The following GTF2B variants were observed in gnomAD, a reference collection of about 807,000 sequenced individuals.
GTF2B encodes transcription initiation factor IIB.
GTF2B carries 20 observed loss-of-function variants against 34.6 expected under a neutral mutation model. The observed-to-expected ratio is 0.58, with a 90% CI of 0.41 to 0.84. The LOEUF is 0.84. Among genes scored for constraint, GTF2B ranks in the 40% least tolerant of loss-of-function variants. The probability of loss-of-function intolerance (pLI) is 0.00; values close to 1 mark genes in which losing one functional copy is unlikely to be tolerated. For missense variants in GTF2B, 237 were observed against 393.3 expected, an observed-to-expected ratio of 0.60 and a Z score of 3.36; for synonymous variants, 142 against 132.4, an observed-to-expected ratio of 1.07 and a Z score of -0.50.
At chr1:88,889,385 T>C (rs1018223779) in intron 1 of GTF2B, among the ~76,000 whole-genome samples, 5 of 152,120 alleles carry the variant, frequency 3.3e-5, no homozygotes, top group Admixed American at 6.5e-5. Flanking sequence ...TAGGGAGGAA[T>C]AGAGAAACCA....
chr1:88,891,393 C>A, intron 1 of GTF2B, 90 bp downstream of exon 1: 1 of 952,752 alleles, frequency 1.0e-6, no homozygotes, highest in South Asian at 1.5e-5. Flanking sequence ...CCTAGGCGCT[C>A]AGCCCTACGA....
intron 6 of GTF2B, among the ~76,000 whole-genome samples, chr1:88,854,105 C>T (rs1673249641): frequency 6.6e-6 from 1 of 152,106 alleles, no homozygotes; most frequent in African/African-American, 2.4e-5. Context: ...AAAAGTACTC[C>T]ACAAATATGT....
intron 1 of GTF2B, among the ~76,000 whole-genome samples, chr1:88,888,494 CAA>C (rs1674125850): frequency 6.6e-6 from 1 of 151,652 alleles, no homozygotes; most frequent in African/African-American, 2.4e-5. Context: ...TAAATTATGA[CAA>C]ATAAAATTAA....
intron 2 of GTF2B, among the ~76,000 whole-genome samples, chr1:88,885,268 G>C (rs551301539): frequency 6.8e-6 from 1 of 148,020 alleles, no homozygotes; most frequent in South Asian, 2.1e-4. Flanking sequence ...CTGAAACCCT[G>C]TCTCTACTAA....
rs547520273 is a variant in GTF2B at position 88,873,152 on chromosome 1, C to CAAGAG, written c.125-9043_125-9039dup. On this transcript the variant is annotated intron_variant, in intron 2 of 6. Coordinates refer to ENST00000370500, the MANE Select transcript of GTF2B (RefSeq NM_001514.6). The stretch of plus-strand genomic sequence containing the variant: ...CCAGCAGACTAATAGATGACCCAAA[C>CAAGAG]AAGAGAAACTTCCCACAGGATTCCA... Among the ~76,000 whole-genome samples the CAAGAG allele has an allele frequency of 3.1e-4, 46 of 147,318 alleles. 1 individual carries two copies. The East Asian group carries it at 6.2e-3, about 20-fold the overall frequency.
At chr1:88,857,628 C>T in intron 5 of GTF2B, 141 bp from the exon 6 acceptor site, 1 of 552,222 alleles carries the variant, frequency 1.8e-6, no homozygotes, top group South Asian at 2.4e-5. Context: ...CCCTAATCAT[C>T]TCAGTGATAC....
At chr1:88,880,312 T>C (rs1570734009) in intron 2 of GTF2B, among the ~76,000 whole-genome samples, 1 of 152,272 alleles carries the variant, frequency 6.6e-6, no homozygotes, top group South Asian at 2.1e-4. Context: ...CCTTAGTGGG[T>C]TGTAGAATAT....
chr1:88,863,807 A>C (rs530834028), intron 3 of GTF2B, among the ~76,000 whole-genome samples, 174 bp downstream of exon 3: 5 of 152,332 alleles, frequency 3.3e-5, no homozygotes, highest in Non-Finnish European at 5.9e-5. Flanking sequence ...TCCCCACTTT[A>C]AGATGGAATA....
intron 2 of GTF2B, among the ~76,000 whole-genome samples, chr1:88,879,900 A>G (rs998521820): frequency 1.3e-5 from 2 of 151,964 alleles, no homozygotes; most frequent in Non-Finnish European, 2.9e-5. Flanking sequence ...TACTAAAAAT[A>G]CAAAAAAATT....
At chr1:88,859,021 C>G (rs948781862) in intron 5 of GTF2B, among the ~76,000 whole-genome samples, 2 of 152,022 alleles carry the variant, frequency 1.3e-5, no homozygotes, top group Non-Finnish European at 2.9e-5. Context: ...GCGCGCACCA[C>G]CACGCCTGGC....
chr1:88,874,459 A>G (rs1673767511), intron 2 of GTF2B, among the ~76,000 whole-genome samples: 1 of 149,260 alleles, frequency 6.7e-6, no homozygotes, highest in Non-Finnish European at 1.5e-5. Flanking sequence ...CCAAGTAGCT[A>G]GGACTATAGG....
chr1:88,868,451 A>G (rs1470022139), intron 2 of GTF2B, among the ~76,000 whole-genome samples: 3 of 152,186 alleles, frequency 2.0e-5, no homozygotes, highest in Non-Finnish European at 4.4e-5. Context: ...TAACACTTTT[A>G]ATCAAGTTCC....
At chr1:88,860,658 A>G (rs1673412945) in intron 3 of GTF2B, among the ~76,000 whole-genome samples, 2 of 152,092 alleles carry the variant, frequency 1.3e-5, no homozygotes, top group Non-Finnish European at 2.9e-5. Context: ...TAGAGAATCA[A>G]ATAATGTAAA....
intron 3 of GTF2B, among the ~76,000 whole-genome samples, chr1:88,861,857 C>G (rs369462180): frequency 2.6e-5 from 4 of 152,098 alleles, no homozygotes; most frequent in African/African-American, 9.7e-5. Flanking sequence ...AAAAACCCCA[C>G]AGGAAACAGA....
Position 88,884,185 on chromosome 1 carries a change from G to A in GTF2B, c.124+3076C>T, listed in dbSNP as rs551817314. Among the ~76,000 whole-genome samples the A allele has an allele frequency of 2.6e-5, 4 of 151,826 alleles. No individual in the cohort carries two copies. The South Asian group carries it at 8.3e-4, about 32-fold the overall frequency. On this transcript the variant is annotated intron_variant, in intron 2 of 6. Transcript: ENST00000370500. ...TGGGATTACAGATGCCCACCACCAC[G>A]CCCGGCTAATTTTTGTATTTTTAGT...
rs571513873 is a variant in GTF2B at position 88,884,625 on chromosome 1, C to T, written c.124+2636G>A. Among the ~76,000 whole-genome samples the T allele has an allele frequency of 4.6e-4, 70 of 152,324 alleles. 1 individual carries two copies. The South Asian group carries it at 0.014, about 31-fold the overall frequency. Reference sequence around the variant, plus strand: ...ATAAGCCACTTAGAAACTTTAGTTGCAGCCTCAGTTTCATTCTTTTATTTT... The same window carrying T: ...ATAAGCCACTTAGAAACTTTAGTTGTAGCCTCAGTTTCATTCTTTTATTTT... On this transcript the variant is annotated intron_variant, in intron 2 of 6. Transcript: ENST00000370500.
chr1:88,869,845 G>C (rs1384303539), intron 2 of GTF2B, among the ~76,000 whole-genome samples: 1 of 151,550 alleles, frequency 6.6e-6, no homozygotes, highest in Admixed American at 6.6e-5. Context: ...GGCTCATGTC[G>C]AATTCCCGAC....
chr1:88,863,844 A>G, intron 3 of GTF2B, 137 bp downstream of exon 3: 2 of 711,646 alleles, frequency 2.8e-6, no homozygotes, highest in Non-Finnish European at 4.9e-6. Flanking sequence ...ATCATTCACA[A>G]TGATATTACT....
At chr1:88,862,211 T>C (rs1673454681) in intron 3 of GTF2B, among the ~76,000 whole-genome samples, 1 of 152,188 alleles carries the variant, frequency 6.6e-6, no homozygotes, top group African/African-American at 2.4e-5. Flanking sequence ...CAAGTACACA[T>C]AGAAATTTAT....
Sources: allele counts gnomAD v4.1 joint callset (sites outside exome capture counted in the v4.1 genomes callset), GRCh38; gene constraint gnomAD v4.1.1; transcripts MANE v1.5; gene names NCBI Gene and HGNC (gene_info 2026-07-23, HGNC 2026-07-21).